The following CSMD1 variants were observed in gnomAD, a reference collection of about 807,000 sequenced individuals.
CSMD1 encodes the protein CUB and sushi domain-containing protein 1.
In CSMD1, 213 loss-of-function variants were observed where a neutral mutation model predicts 417.5. The observed-to-expected ratio is 0.51, with a 90% confidence interval of 0.46 to 0.57. CSMD1 has a LOEUF of 0.57. Ranked by LOEUF, CSMD1 falls within the 20% of genes least tolerant of loss-of-function variation. The probability of loss-of-function intolerance (pLI) is 0.00; values close to 1 mark genes in which losing one functional copy is unlikely to be tolerated. For synonymous variants in CSMD1, 2,862 were observed against 1,736.8 expected, an observed-to-expected ratio of 1.65 and a Z score of -16.11; for missense variants, 6,923 against 4,529.7, an observed-to-expected ratio of 1.53 and a Z score of -15.17.
rs1194290969 is a variant in CSMD1, at chr8:2,979,137, C to A, written c.8378-337G>T. Among the ~76,000 whole-genome samples, 3 of 152,176 alleles carry A rather than the reference C, an allele frequency of 2.0e-5. No individual in the cohort carries two copies. In the East Asian group the frequency reaches 5.8e-4, roughly 29 times the overall value. On this transcript the variant is annotated intron_variant, in intron 54 of 69. Coordinates refer to ENST00000635120, the MANE Select transcript of CSMD1 (RefSeq NM_033225.6). ...TGGTCAAATAGAACTAGCTGAGGTT[C>A]GTTTAAATATTTTTACTCAAGTGTG...
chr8:3,551,013 C>T (rs986981522), intron 10 of CSMD1, among the ~76,000 whole-genome samples: 4 of 152,168 alleles, frequency 2.6e-5, no homozygotes, highest in Non-Finnish European at 5.9e-5. Flanking sequence ...TCCAGCAATG[C>T]ATTAGTCAGG....
At chr8:4,365,083 A>G (rs951066452) in intron 3 of CSMD1, among the ~76,000 whole-genome samples, 2 of 152,188 alleles carry the variant, frequency 1.3e-5, no homozygotes, top group Non-Finnish European at 2.9e-5. Flanking sequence ...TGTAATGGCA[A>G]GTTTACAAGA....
At chr8:3,307,589 G>C (rs1420752888) in intron 25 of CSMD1, 106 bp downstream of exon 25, 16 of 1,292,060 alleles carry the variant, frequency 1.2e-5, no homozygotes, top group Non-Finnish European at 1.7e-5. Context: ...TTCTTCTTTA[G>C]TTCAGAAACT....
At chr8:3,796,521 C>A (rs1158073066) in intron 5 of CSMD1, among the ~76,000 whole-genome samples, 4 of 140,250 alleles carry the variant, frequency 2.9e-5, no homozygotes, top group Non-Finnish European at 6.1e-5. Context: ...ATCTATATAT[C>A]TATATCTAAG....
chr8:4,402,029 G>T (rs1187309589), intron 3 of CSMD1, among the ~76,000 whole-genome samples: 1 of 152,026 alleles, frequency 6.6e-6, no homozygotes, highest in Admixed American at 6.6e-5. Context: ...TATAATTCGT[G>T]GTGACTTCAC....
At chr8:4,159,876 G>A (rs1210945494) in intron 3 of CSMD1, among the ~76,000 whole-genome samples, 1 of 152,148 alleles carries the variant, frequency 6.6e-6, no homozygotes, top group African/African-American at 2.4e-5. Context: ...ACCCATAAGT[G>A]CGAGCTAGCC....
chr8:3,493,831 T>G, intron 10 of CSMD1, 105 bp from the exon 11 acceptor site: 1 of 830,212 alleles, frequency 1.2e-6, no homozygotes, highest in Admixed American at 2.4e-5. Context: ...TGCTCCTTAA[T>G]GCCAATGTCA....
chr8:3,317,369 T>C (rs1377466403), intron 23 of CSMD1, among the ~76,000 whole-genome samples: 1 of 152,198 alleles, frequency 6.6e-6, no homozygotes, highest in Non-Finnish European at 1.5e-5. Flanking sequence ...TAACAAATAG[T>C]AATCGCAATA....
At chr8:3,739,300 T>C (rs1404251881) in intron 6 of CSMD1, among the ~76,000 whole-genome samples, 1 of 152,214 alleles carries the variant, frequency 6.6e-6, no homozygotes, top group Non-Finnish European at 1.5e-5. Context: ...GAATACAAAA[T>C]TACAGCTAGA....
At chr8:3,425,587 CAAAA>C (rs5888966) in intron 12 of CSMD1, among the ~76,000 whole-genome samples, 2 of 97,530 alleles carry the variant, frequency 2.1e-5, no homozygotes, top group Non-Finnish European at 2.0e-5. Context: ...GATTCGGTCT[CAAAA>C]AAAAAAAAAA....
At chr8:3,889,010 T>A (rs1002883126) in intron 5 of CSMD1, among the ~76,000 whole-genome samples, 1 of 152,176 alleles carries the variant, frequency 6.6e-6, no homozygotes, top group African/African-American at 2.4e-5. Flanking sequence ...TACAAACTCA[T>A]TCAATTACCA....
chr8:4,685,725 A>T (rs1806330651), intron 1 of CSMD1, among the ~76,000 whole-genome samples: 2 of 152,234 alleles, frequency 1.3e-5, no homozygotes, highest in East Asian at 1.9e-4. Flanking sequence ...TAAATTCTGA[A>T]CATTCTTTTT....
chr8:3,473,008 C>G (rs1817193723), intron 11 of CSMD1, among the ~76,000 whole-genome samples: 1 of 152,096 alleles, frequency 6.6e-6, no homozygotes, highest in African/African-American at 2.4e-5. Context: ...AGGCTCCTAA[C>G]TCTGTCTCCT....
intron 3 of CSMD1, among the ~76,000 whole-genome samples, chr8:4,402,628 G>T (rs1002791882): frequency 6.6e-6 from 1 of 151,924 alleles, no homozygotes; most frequent in African/African-American, 2.4e-5. Flanking sequence ...CTTTAATCTT[G>T]CAAGACCTAT....
chr8:4,072,174 T>C (rs1799593019), intron 3 of CSMD1, among the ~76,000 whole-genome samples: 1 of 152,236 alleles, frequency 6.6e-6, no homozygotes, highest in South Asian at 2.1e-4. Context: ...GTGCTACTAG[T>C]TTCCAGGTGT....
intron 19 of CSMD1, among the ~76,000 whole-genome samples, chr8:3,367,532 C>A (rs1262728092): frequency 6.6e-6 from 1 of 151,948 alleles, no homozygotes; most frequent in Non-Finnish European, 1.5e-5. Flanking sequence ...GACTTAGACA[C>A]ATCAAGCCTT....
intron 5 of CSMD1, among the ~76,000 whole-genome samples, chr8:3,772,885 A>C (rs1039047580): frequency 1.3e-5 from 2 of 151,954 alleles, no homozygotes; most frequent in African/African-American, 4.8e-5. Flanking sequence ...GGTGACAATG[A>C]AAATATCACA....
chr8:4,386,844 C>T (rs1413707333), intron 3 of CSMD1, among the ~76,000 whole-genome samples: 5 of 152,158 alleles, frequency 3.3e-5, no homozygotes, highest in Admixed American at 3.3e-4. Flanking sequence ...AATAAGACCA[C>T]AGCAGCAAAT....
chr8:4,029,139 G>T (rs1224129185), intron 4 of CSMD1, among the ~76,000 whole-genome samples: 2 of 152,100 alleles, frequency 1.3e-5, no homozygotes, highest in South Asian at 2.1e-4. Context: ...AAGATAAAAA[G>T]GAGGCAACAG....
Sources: allele counts gnomAD v4.1 joint callset (sites outside exome capture counted in the v4.1 genomes callset), GRCh38; gene constraint gnomAD v4.1.1; transcripts MANE v1.5; gene names NCBI Gene and HGNC (gene_info 2026-07-23, HGNC 2026-07-21).